The following LONP1 variants were observed in gnomAD, a reference collection of about 807,000 sequenced individuals.
LONP1 encodes lon protease homolog, mitochondrial.
LONP1 carries 31 observed loss-of-function variants against 98.5 expected under a neutral mutation model. That is an observed-to-expected ratio of 0.31 (90% CI 0.24 to 0.42). LONP1 has a LOEUF of 0.42. Ranked by LOEUF, LONP1 falls within the 20% of genes least tolerant of loss-of-function variation. The pLI is 1.00. For missense variants in LONP1, 1,336 were observed against 1,350.6 expected (o/e 0.99, Z 0.17); for synonymous variants, 781 against 594.7 (o/e 1.31, Z -4.56).
intron 10 of LONP1, among the ~76,000 whole-genome samples, chr19:5,697,246 CTG>C (rs1377189287): frequency 6.6e-6 from 1 of 152,052 alleles, no homozygotes; most frequent in Non-Finnish European, 1.5e-5. Flanking sequence ...AAGGCTCTGT[CTG>C]TGGGATGAAG....
At chr19:5,703,582 G>A (rs1008206163) in intron 8 of LONP1, among the ~76,000 whole-genome samples, 4 of 151,748 alleles carry the variant, frequency 2.6e-5, no homozygotes, top group African/African-American at 4.8e-5. Flanking sequence ...AGGGCCAGGC[G>A]GCCCCACGAG....
At chr19:5,697,221 C>G (rs376164012) in intron 10 of LONP1, among the ~76,000 whole-genome samples, 2 of 151,952 alleles carry the variant, frequency 1.3e-5, no homozygotes, top group African/African-American at 2.4e-5. Context: ...CCAGGCCCCA[C>G]GAGAGACAGT....
intron 13 of LONP1, 46 bp downstream of exon 13, chr19:5,696,008 C>T: frequency 6.4e-7 from 1 of 1,561,446 alleles, no homozygotes; most frequent in Non-Finnish European, 8.7e-7. Flanking sequence ...TGGGGGGCGC[C>T]CCCTGCTCTG....
At chr19:5,694,621 G>A (rs1283360810) in intron 14 of LONP1, 69 bp from the exon 15 acceptor site, 1 of 1,577,720 alleles carries the variant, frequency 6.3e-7, no homozygotes. Context: ...TGGGGTGACG[G>A]GCACAGAAAG....
At chr19:5,709,799 C>A (rs1170585391) in intron 4 of LONP1, among the ~76,000 whole-genome samples, 1 of 147,964 alleles carries the variant, frequency 6.8e-6, no homozygotes, top group Non-Finnish European at 1.5e-5. Flanking sequence ...GTAGTCCCAG[C>A]TACTGGGGAG....
In LONP1 at chr19:5,696,229, G is replaced by T; in HGVS notation, c.1896+20C>A. 6.2e-7 allele frequency: 1 copy of T among 1,612,992 alleles called. No individual in the cohort carries two copies. Among genetic ancestry groups the T allele is most frequent in the Non-Finnish European group, 8.5e-7 (1 of 1,179,792 alleles). On this transcript the variant is annotated intron_variant, in intron 12 of 17. Transcript: ENST00000360614. ...CGCTTACCCTCCCCAGCAAGCCCAG[G>T]CCCCAGACAGGCCCCCCACCTTGGA...
chr19:5,707,649 G>GT, intron 6 of LONP1, 48 bp downstream of exon 6: 1 of 1,580,640 alleles, frequency 6.3e-7, no homozygotes, highest in South Asian at 1.2e-5. Context: ...CATAGTGGAG[G>GT]TGGGGTGCAG....
At chr19:5,717,093 C>A (rs1196151380) in intron 1 of LONP1, among the ~76,000 whole-genome samples, 1 of 152,150 alleles carries the variant, frequency 6.6e-6, no homozygotes, top group Non-Finnish European at 1.5e-5. Flanking sequence ...CGCGCCCAGC[C>A]CACGAAGTTA....
intron 10 of LONP1, among the ~76,000 whole-genome samples, chr19:5,698,367 C>A (rs572231156): frequency 6.6e-6 from 1 of 152,186 alleles, no homozygotes; most frequent in Middle Eastern, 3.2e-3. Context: ...GCCTCACACT[C>A]GGCTCTCACT....
intron 9 of LONP1, among the ~76,000 whole-genome samples, chr19:5,699,540 A>G (rs1030085990): frequency 1.4e-5 from 2 of 148,018 alleles, no homozygotes; most frequent in African/African-American, 5.0e-5. Flanking sequence ...CAGTCCACCA[A>G]TGCCTCTGGC....
At chr19:5,703,692 G>A (rs1483653717) in intron 8 of LONP1, among the ~76,000 whole-genome samples, 3 of 151,678 alleles carry the variant, frequency 2.0e-5, no homozygotes, top group African/African-American at 7.3e-5. Context: ...GACACATGAA[G>A]TCACTGTGGA....
At chr19:5,694,722 G>A (rs767814797) in intron 14 of LONP1, 39 bp downstream of exon 14, 2 of 1,575,750 alleles carry the variant, frequency 1.3e-6, no homozygotes, top group East Asian at 2.3e-5. Context: ...GGATGGTGAG[G>A]TGGGCGGCAG....
Position 5,711,800 on chromosome 19 carries a change from C to T in LONP1, c.841G>A (p.Glu281Lys), listed in dbSNP as rs1193229185. ...LMVEVENVVHEDFQVTEEVKA... is the reference protein window; with the variant it reads ...LMVEVENVVHKDFQVTEEVKA... Reference sequence around the variant, plus strand: ...ACCTCCTCCGTGACCTGGAAGTCCTCGTGGACAACGTTCTCTACCTCCACC... The same window carrying T: ...ACCTCCTCCGTGACCTGGAAGTCCTTGTGGACAACGTTCTCTACCTCCACC... The change falls in exon 4 of 18, where the codon GAG becomes AAG. Residue 281 changes from glutamate (E) to lysine (K), a missense_variant. Physicochemically the swap from Glu to Lys is moderately conservative, Grantham distance 56. Coordinates refer to ENST00000360614, the MANE Select transcript of LONP1 (RefSeq NM_004793.4). 1.2e-6 allele frequency: 2 copies of T among 1,611,206 alleles called. No individual in the cohort carries two copies. Among genetic ancestry groups the T allele is most frequent in the Admixed American group, 1.7e-5 (1 of 59,990 alleles).
chr19:5,693,736 C>T lies in LONP1; in HGVS notation c.2354G>A (p.Arg785Lys). 6.2e-7 allele frequency: 1 copy of T among 1,614,030 alleles called. No homozygotes were observed. The highest frequency in any genetic ancestry group is 8.5e-7 in the Non-Finnish European group (1 of 1,180,000). The change falls in exon 16 of 18, where the codon AGA becomes AAA. Residue 785 changes from arginine to lysine, a missense_variant. By Grantham distance (26) the Arg-to-Lys change is conservative. Transcript: ENST00000360614. Reference sequence around the variant, plus strand: ...CTTGGCATCCTTGTCCTGTGGCCGTCTCAGGGATGTCTCCACAAACAGCGT... The same window carrying T: ...CTTGGCATCCTTGTCCTGTGGCCGTTTCAGGGATGTCTCCACAAACAGCGT... ...GSTLFVETSL[R>K]RPQDKDAKGD...
At chr19:5,697,076 C>T (rs117521856) in intron 10 of LONP1, among the ~76,000 whole-genome samples, 117 of 152,248 alleles carry the variant, frequency 7.7e-4, no homozygotes, top group Non-Finnish European at 1.4e-3. Context: ...CACTGAGGGA[C>T]GCCAGGCACG....
upstream of LONP1, chr19:5,720,391 A>C: frequency 1.7e-6 from 1 of 592,358 alleles, no homozygotes; most frequent in Non-Finnish European, 2.8e-6. Context: ...CGCCCGTACA[A>C]AACACTGGTA....
chr19:5,705,312 AC>A (rs1475696398), intron 8 of LONP1, among the ~76,000 whole-genome samples: 2 of 151,296 alleles, frequency 1.3e-5, no homozygotes, highest in African/African-American at 4.9e-5. Context: ...CAAAAAATTA[AC>A]CAGGCGTGGT....
intron 4 of LONP1, 21 bp from the exon 5 acceptor site, chr19:5,708,424 T>A (rs1197842253): frequency 1.6e-6 from 2 of 1,287,164 alleles, no homozygotes; most frequent in Non-Finnish European, 2.1e-6. Flanking sequence ...TGGGGCAGGG[T>A]CGCTGGGGCC....
chr19:5,704,959 G>A (rs1383830193), intron 8 of LONP1, among the ~76,000 whole-genome samples: 1 of 152,168 alleles, frequency 6.6e-6, no homozygotes, highest in Non-Finnish European at 1.5e-5. Flanking sequence ...TCAGGAGTTT[G>A]AGACCAACCT....
Sources: allele counts gnomAD v4.1 joint callset (sites outside exome capture counted in the v4.1 genomes callset), GRCh38; gene constraint gnomAD v4.1.1; transcripts MANE v1.5; gene names NCBI Gene and HGNC (gene_info 2026-07-23, HGNC 2026-07-21).